Variants in POLQ observed in about 807,000 individuals in gnomAD.
POLQ encodes epididymis secretory sperm binding protein.
POLQ carries 233 observed loss-of-function variants against 259.2 expected under a neutral mutation model. The ratio of observed to expected loss-of-function variants is 0.90; its 90% CI spans 0.81 to 1.00. The LOEUF (loss-of-function observed/expected upper bound fraction) is 1.00. POLQ is among the 50% of genes least tolerant of loss of function. The pLI, the probability that POLQ is intolerant of heterozygous loss-of-function variation, is 0.00. For missense variants in POLQ, 2,871 were observed against 3,051.6 expected (o/e 0.94, Z 1.39); for synonymous variants, 1,025 against 1,048.8 (o/e 0.98, Z 0.44).
chr3:121,538,261 A>G (rs2048464242), intron 4 of POLQ, among the ~76,000 whole-genome samples: 1 of 152,166 alleles, frequency 6.6e-6, no homozygotes. Flanking sequence ...ACTGCAAAAC[A>G]TAAATATGAT....
chr3:121,533,380 C>T (rs1335707943), intron 5 of POLQ, among the ~76,000 whole-genome samples, 171 bp from the exon 6 acceptor site: 1 of 152,174 alleles, frequency 6.6e-6, no homozygotes, highest in Non-Finnish European at 1.5e-5. Flanking sequence ...CACAGAAGAT[C>T]TTCAATTTTA....
chr3:121,520,016 C>T lies in POLQ; in HGVS notation c.1323G>A (p.Ala441=), dbSNP rs35766343. Reference sequence around the variant, plus strand: ...CCCCAGAAGAAAGAGTAGAAGTTGCCGCCAAGACCCGAATGAGACCTTGAC... The same window carrying T: ...CCCCAGAAGAAAGAGTAGAAGTTGCTGCCAAGACCCGAATGAGACCTTGAC... ...AFRQGLIRVL[A]ATSTLSSGVN... The change falls in exon 9 of 30, where the codon GCG becomes GCA. Residue 441 remains alanine (A), a synonymous_variant. Transcript: ENST00000264233. The T allele has an allele frequency of 0.052, 84,566 of 1,612,812 alleles. 2,610 individuals are homozygous for T. Among genetic ancestry groups the T allele is most frequent in the African/African-American group, 0.091 (6,834 of 74,926 alleles).
intron 7 of POLQ, among the ~76,000 whole-genome samples, chr3:121,528,809 G>A (rs147662504): frequency 0.013 from 2,049 of 152,118 alleles, 52 homozygotes; most frequent in African/African-American, 0.046. Context: ...AAAATTAGCC[G>A]GGCATGATGG....
intron 7 of POLQ, among the ~76,000 whole-genome samples, chr3:121,522,982 T>C (rs764706106): frequency 2.6e-5 from 4 of 152,210 alleles, no homozygotes; most frequent in Admixed American, 1.3e-4. Flanking sequence ...GCTAATTAAA[T>C]AGTACCCTCT....
intron 11 of POLQ, 103 bp downstream of exon 11, chr3:121,509,936 C>A: frequency 2.0e-6 from 2 of 1,022,018 alleles, no homozygotes; most frequent in South Asian, 1.5e-5. Flanking sequence ...AAATCAAATT[C>A]CTTTTATACT....
intron 1 of POLQ, 70 bp downstream of exon 1, chr3:121,545,645 G>A (rs1359334048): frequency 1.4e-6 from 2 of 1,424,972 alleles, no homozygotes; most frequent in Non-Finnish European, 1.9e-6. Context: ...CGTGGGGTGA[G>A]GACACCTCCC....
chr3:121,506,712 G>T (rs1392877707), intron 12 of POLQ, among the ~76,000 whole-genome samples: 1 of 151,978 alleles, frequency 6.6e-6, no homozygotes, highest in African/African-American at 2.4e-5. Flanking sequence ...TTCACTCTTT[G>T]GTTTTACATT....
At chr3:121,539,287 T>C (rs2048472159) in intron 4 of POLQ, 146 bp downstream of exon 4, 1 of 634,762 alleles carries the variant, frequency 1.6e-6, no homozygotes, top group Admixed American at 3.2e-5. Context: ...ACAGCGTTCC[T>C]AACATTACAG....
chr3:121,485,329 T>C, intron 16 of POLQ, 145 bp from the exon 17 acceptor site: 1 of 516,736 alleles, frequency 1.9e-6, no homozygotes, highest in Non-Finnish European at 3.4e-6. Context: ...TCATTTTAAG[T>C]ATAAGTAAGA....
intron 24 of POLQ, among the ~76,000 whole-genome samples, chr3:121,462,813 G>A (rs1413024242): frequency 6.6e-6 from 1 of 152,148 alleles, no homozygotes; most frequent in Admixed American, 6.5e-5. Context: ...CTAGAGTGCA[G>A]GCTACTCTAA....
At position 121,488,761 on chromosome 3, in the gene POLQ, C is replaced by T; in HGVS notation, c.4170G>A (p.Leu1390=). The change falls in exon 16 of 30, where the codon TTG becomes TTA. Residue 1390 remains leucine (L), a synonymous_variant. Transcript: ENST00000264233. ...TCATAGTACCTACAGTCTTAAGGTC[C>T]AAATGATCTATCTTAGTCGCTCCTA... is the stretch of plus-strand genomic sequence containing the variant. ...HPLGATKIDH[L]DLKTVGTMKQ... 1.2e-6 allele frequency: 2 copies of T among 1,613,984 alleles called. No individual in the cohort carries two copies. Among genetic ancestry groups the T allele is most frequent in the South Asian group, 1.1e-5 (1 of 91,038 alleles).
At chr3:121,544,683 T>C in intron 2 of POLQ, 44 bp downstream of exon 2, 1 of 1,287,664 alleles carries the variant, frequency 7.8e-7, no homozygotes, top group South Asian at 1.2e-5. Flanking sequence ...ATTCTTTACA[T>C]TCATATCTTA....
At chr3:121,509,481 G>C (rs978452848) in intron 12 of POLQ, 80 bp downstream of exon 12, 1 of 1,200,982 alleles carries the variant, frequency 8.3e-7, no homozygotes, top group African/African-American at 1.5e-5. Context: ...TGTTCTGTTA[G>C]GGTATCTTTG....
chr3:121,452,251 T>G (rs923658886), intron 25 of POLQ, among the ~76,000 whole-genome samples: 2 of 152,082 alleles, frequency 1.3e-5, no homozygotes, highest in African/African-American at 4.8e-5. Flanking sequence ...AGGTGATGCC[T>G]CGCCCTGCTT....
chr3:121,529,870 C>T, intron 6 of POLQ, 78 bp from the exon 7 acceptor site: 1 of 1,090,442 alleles, frequency 9.2e-7, no homozygotes, highest in Admixed American at 2.9e-5. Flanking sequence ...ACTCATTTTC[C>T]TTTCTGGGGA....
rs1208303464 is a variant in POLQ, at chr3:121,493,722, C to T, written c.2279-1G>A. ...CGGTTGGAAAATACTGTAATCATCC[C>T]TAGAACATTCATAGAATATTTGTTG... On this transcript the variant is annotated splice_acceptor_variant, in intron 14 of 29. Transcript: ENST00000264233. LOFTEE classifies it high-confidence loss of function. 6.2e-7 allele frequency: 1 copy of T among 1,607,116 alleles called. No homozygotes were observed. Among genetic ancestry groups the T allele is most frequent in the South Asian group, 1.1e-5 (1 of 90,408 alleles).
chr3:121,527,769 G>A (rs1057098175), intron 7 of POLQ, among the ~76,000 whole-genome samples: 1 of 152,060 alleles, frequency 6.6e-6, no homozygotes, highest in Admixed American at 6.5e-5. Context: ...ATCACTAGTG[G>A]CACCTCAAAT....
At chr3:121,503,128 C>A (rs1259641829) in intron 12 of POLQ, among the ~76,000 whole-genome samples, 1 of 152,162 alleles carries the variant, frequency 6.6e-6, no homozygotes, top group African/African-American at 2.4e-5. Context: ...TAGCATGTTG[C>A]ATTACCTTTT....
In POLQ at chr3:121,494,749, T is replaced by A. The variant is rs2048101630; in HGVS notation, c.2279-1028A>T. ...AGGTGAACTCGGAAGACAAAGGCAC[T>A]TTGGCTAAGCTGGTGGAAGTTATCA... On this transcript the variant is annotated intron_variant, in intron 14 of 29. Transcript: ENST00000264233. 1.9e-6 allele frequency: 3 copies of A among 1,540,868 alleles called. No individual in the cohort carries two copies. The South Asian group carries it at 3.3e-5, about 17-fold the overall frequency.
Sources: gnomAD v4.1 joint callset for allele counts (sites outside exome capture counted in the v4.1 genomes callset) on GRCh38, gnomAD v4.1.1 for gene constraint, MANE v1.5 for transcripts, NCBI Gene and HGNC (gene_info 2026-07-23, HGNC 2026-07-21) for gene names.